ZNF44: variants seen among roughly 807,000 people sequenced by gnomAD.
ZNF44 encodes the protein gonadotropin inducible transcription repressor-2.
Under a neutral mutation model 11.7 loss-of-function variants are expected in ZNF44, and 9 were observed. The ratio of observed to expected loss-of-function variants is 0.77; its 90% CI spans 0.46 to 1.35. The LOEUF (loss-of-function observed/expected upper bound fraction) is 1.35. ZNF44 is among the 40% of genes most tolerant of loss of function. The probability of loss-of-function intolerance (pLI) is 0.00; values close to 1 mark genes in which losing one functional copy is unlikely to be tolerated. For missense variants in ZNF44, 696 were observed against 743.1 expected (o/e 0.94, Z 0.74); for synonymous variants, 224 against 242.7 (o/e 0.92, Z 0.72).
chr19:12,261,882 T>C (rs1917523166), intron 5 of ZNF44, among the ~76,000 whole-genome samples: 1 of 152,204 alleles, frequency 6.6e-6, no homozygotes. Context: ...TTTTAAATGA[T>C]TGAAAAAAAT....
chr19:12,283,458 A>G (rs986029049), intron 1 of ZNF44, among the ~76,000 whole-genome samples: 1 of 151,990 alleles, frequency 6.6e-6, no homozygotes, highest in African/African-American at 2.4e-5. Context: ...CCTCCTGAGT[A>G]GCTGGGATTA....
intron 2 of ZNF44, among the ~76,000 whole-genome samples, chr19:12,233,306 C>A: frequency 6.6e-6 from 1 of 152,142 alleles, no homozygotes; most frequent in African/African-American, 2.4e-5. Flanking sequence ...AGAAAAAGTG[C>A]TCCTGACCAA....
chr19:12,271,009 A>G (rs1217718596), downstream of ZNF44, among the ~76,000 whole-genome samples: 1 of 152,100 alleles, frequency 6.6e-6, no homozygotes, highest in African/African-American at 2.4e-5. Flanking sequence ...TGGAAAGGAA[A>G]CTGAAGATAT....
rs1967048996 is a variant in ZNF44 at position 12,273,260 on chromosome 19, C to G, written c.995G>C (p.Ser332Thr). Residue 332 changes from serine (S) to threonine (T), a missense_variant, in exon 4 of 4, where the codon AGT (serine) becomes ACT (threonine). Transcript: ENST00000355684. ...CTTACATTTATGAGGTCCATCTCCA[C>G]TGTGCATTATCATGTGTCTTTGAAA... ...GSFQRHMIMHSGDGPHKCKIC... is the reference protein window; with the variant it reads ...GSFQRHMIMHTGDGPHKCKIC... 1 of 1,613,928 alleles carries G rather than the reference C, an allele frequency of 6.2e-7. No individual in the cohort carries two copies.
intron 5 of ZNF44, among the ~76,000 whole-genome samples, chr19:12,255,896 C>T (rs1039940505): frequency 6.6e-6 from 1 of 151,830 alleles, no homozygotes; most frequent in Non-Finnish European, 1.5e-5. Flanking sequence ...ATTAGCCAGG[C>T]GTGGTGACAC....
upstream of ZNF44, among the ~76,000 whole-genome samples, chr19:12,239,620 G>A (rs1257709270): frequency 7.4e-6 from 1 of 135,210 alleles, no homozygotes; most frequent in Non-Finnish European, 1.5e-5. Flanking sequence ...CTGTCATCCA[G>A]GCTGGAGTGC....
At chr19:12,277,098 A>G (rs1967261093) in intron 1 of ZNF44, among the ~76,000 whole-genome samples, 1 of 152,188 alleles carries the variant, frequency 6.6e-6, no homozygotes, top group Non-Finnish European at 1.5e-5. Flanking sequence ...GACATACACA[A>G]AGAAACACTC....
chr19:12,272,325 C>A lies in ZNF44; in HGVS notation c.*82G>T. 7.0e-7 allele frequency: 1 copy of A among 1,426,042 alleles called. No homozygotes were observed. 88.3% of individuals were successfully genotyped at this position (1,426,042 alleles called of 1,614,324 possible). A position where few individuals can be genotyped will look rare whatever the true frequency, so the allele number is the denominator to read the frequency against. ...GCCTGGAAACTTCTTAAGGCTTTAC[C>A]ACGTTTACATTCACAGGATTTATTT... On this transcript the variant is annotated 3_prime_UTR_variant, in exon 4 of 4. Transcript: ENST00000355684.
At position 12,272,773 on chromosome 19, in the gene ZNF44, A is replaced by T; in HGVS notation, c.1482T>A (p.His494Gln). 1.2e-6 allele frequency: 2 copies of T among 1,613,904 alleles called. No individual in the cohort carries two copies. The highest frequency in any genetic ancestry group is 1.7e-6 in the Non-Finnish European group (2 of 1,179,878). The change falls in exon 4 of 4, where the codon CAT becomes CAA. Residue 494 changes from histidine (H) to glutamine (Q), a missense_variant. Transcript: ENST00000355684. Reference sequence around the variant, plus strand: ...ATTTTTCTTCACTGTGAGTCCTTTCATGGCGACAAAAGTATTTAAAAGAAC... The same window carrying T: ...ATTTTTCTTCACTGTGAGTCCTTTCTTGGCGACAAAAGTATTTAAAAGAAC... ...AFSSFKYFCR[H>Q]ERTHSEEKSY... is the part of the protein sequence containing the mutation.
At chr19:12,292,550 G>A (rs1057273281) in intron 1 of ZNF44, among the ~76,000 whole-genome samples, 20 of 152,028 alleles carry the variant, frequency 1.3e-4, no homozygotes, top group Admixed American at 2.6e-4. Context: ...TCACTCAACC[G>A]TCAGGTCAGG....
At chr19:12,240,441 T>C (rs1916574087), upstream of ZNF44, among the ~76,000 whole-genome samples, 1 of 96,222 alleles carries the variant, frequency 1.0e-5, no homozygotes. Context: ...TGAGATTCTA[T>C]CTCAAAAAAA....
chr19:12,248,348 ACAGGC>A (rs1416760293), exon 8 of ZNF44: 1 of 1,292,488 alleles, frequency 7.7e-7, no homozygotes, highest in East Asian at 5.5e-5. Context: ...AGGCTTTCCC[ACAGGC>A]CTTACATTTG....
intron 1 of ZNF44, chr19:12,291,219 C>T (rs1345048893): frequency 2.2e-6 from 1 of 455,278 alleles, no homozygotes; most frequent in Non-Finnish European, 4.4e-6. Flanking sequence ...CAGGAACAGA[C>T]CAGACTTATC....
downstream of ZNF44, among the ~76,000 whole-genome samples, chr19:12,270,897 G>T (rs1468513723): frequency 6.6e-6 from 1 of 152,182 alleles, no homozygotes; most frequent in African/African-American, 2.4e-5. Flanking sequence ...GACACCCAAA[G>T]CATATTGGAA....
chr19:12,262,520 C>T (rs1358914693), intron 5 of ZNF44, among the ~76,000 whole-genome samples: 2 of 152,156 alleles, frequency 1.3e-5, no homozygotes, highest in Admixed American at 6.5e-5. Context: ...CTGCCCGCCT[C>T]GACCTCCCAA....
chr19:12,236,004 T>C (rs926911088), intron 1 of ZNF44, among the ~76,000 whole-genome samples: 2 of 152,260 alleles, frequency 1.3e-5, no homozygotes, highest in Non-Finnish European at 2.9e-5. Context: ...GTTTTCCTCA[T>C]GTGAAATGTT....
At chr19:12,225,319 C>T (rs1376223948), downstream of ZNF44, 3 of 152,276 alleles carry the variant, frequency 2.0e-5, no homozygotes, top group Non-Finnish European at 4.4e-5. Context: ...ACATTAGTCC[C>T]ATAATTAGGT....
upstream of ZNF44, chr19:12,237,932 G>A (rs1568421838): frequency 6.6e-6 from 1 of 152,304 alleles, no homozygotes; most frequent in Non-Finnish European, 1.5e-5. Flanking sequence ...CTGGACGGGG[G>A]TTCACAAGTG....
intron 6 of ZNF44, chr19:12,250,194 G>T (rs747000037): frequency 7.6e-7 from 1 of 1,307,278 alleles, no homozygotes; most frequent in Non-Finnish European, 1.0e-6. Flanking sequence ...CAAGAAAAAG[G>T]TATTCTCTAA....
Sources: allele counts gnomAD v4.1 joint callset (sites outside exome capture counted in the v4.1 genomes callset), GRCh38; gene constraint gnomAD v4.1.1; transcripts MANE v1.5; gene names NCBI Gene and HGNC (gene_info 2026-07-23, HGNC 2026-07-21).